The following NKAIN3 variants were observed in gnomAD, a reference collection of about 807,000 sequenced individuals.
The protein encoded by NKAIN3 is sodium/potassium transporting ATPase interacting 3, also known as sodium/potassium-transporting ATPase subunit beta-1-interacting protein 3.
In NKAIN3, 25 loss-of-function variants were observed where a neutral mutation model predicts 30.2. That is an observed-to-expected ratio of 0.83 (90% confidence interval 0.60 to 1.16). NKAIN3 has a LOEUF of 1.16. Among genes scored for constraint, NKAIN3 ranks in the 50% most tolerant of loss-of-function variants. The pLI is 0.00. For synonymous variants in NKAIN3, 91 were observed against 89.6 expected (o/e 1.02, Z -0.09); for missense variants, 225 against 254.1 (o/e 0.89, Z 0.78).
chr8:62,431,828 T>A (rs1167976137), intron 1 of NKAIN3, among the ~76,000 whole-genome samples: 1 of 147,562 alleles, frequency 6.8e-6, no homozygotes, highest in Non-Finnish European at 1.5e-5. Flanking sequence ...TCTTTTGAGA[T>A]GCTCTCAGGA....
At chr8:62,725,291 T>C (rs1815218925) in intron 3 of NKAIN3, among the ~76,000 whole-genome samples, 1 of 152,124 alleles carries the variant, frequency 6.6e-6, no homozygotes, top group Admixed American at 6.5e-5. Context: ...ATCAGATAGA[T>C]AGTTTGCAAA....
intron 4 of NKAIN3, among the ~76,000 whole-genome samples, chr8:62,846,661 C>T (rs1819698341): frequency 6.6e-6 from 1 of 152,172 alleles, no homozygotes; most frequent in Admixed American, 6.6e-5. Context: ...AACATGATCT[C>T]ATTCCTTTTT....
chr8:62,761,799 T>A (rs1345768766), intron 4 of NKAIN3, among the ~76,000 whole-genome samples: 1 of 152,172 alleles, frequency 6.6e-6, no homozygotes, highest in African/African-American at 2.4e-5. Flanking sequence ...CAGAATAGGT[T>A]TTGTAACTGC....
chr8:62,351,048 T>C (rs1171276312), intron 1 of NKAIN3, among the ~76,000 whole-genome samples: 1 of 150,666 alleles, frequency 6.6e-6, no homozygotes, highest in East Asian at 1.9e-4. Context: ...CAGAAGTATA[T>C]AAAAACAGAT....
chr8:62,334,431 C>T (rs968748556), intron 1 of NKAIN3, among the ~76,000 whole-genome samples: 1 of 152,010 alleles, frequency 6.6e-6, no homozygotes, highest in African/African-American at 2.4e-5. Context: ...TCGAAACTTC[C>T]CACACTATAT....
chr8:62,760,520 G>T (rs576137999), intron 4 of NKAIN3, among the ~76,000 whole-genome samples: 9 of 151,052 alleles, frequency 6.0e-5, no homozygotes, highest in African/African-American at 2.2e-4. Context: ...GCAAACTATC[G>T]CAAGGACAAA....
intron 1 of NKAIN3, among the ~76,000 whole-genome samples, chr8:62,502,820 G>C (rs930915511): frequency 2.0e-5 from 3 of 152,218 alleles, no homozygotes; most frequent in Admixed American, 1.3e-4. Flanking sequence ...CAATTGGACT[G>C]TGAGGAAGTA....
At chr8:62,359,060 T>C (rs1035167248) in intron 1 of NKAIN3, among the ~76,000 whole-genome samples, 1 of 152,070 alleles carries the variant, frequency 6.6e-6, no homozygotes, top group African/African-American at 2.4e-5. Flanking sequence ...GGCGGGCGCC[T>C]GTATTCCCAG....
At chr8:62,746,782 C>T in intron 3 of NKAIN3, 150 bp from the exon 4 acceptor site, 1 of 565,650 alleles carries the variant, frequency 1.8e-6, no homozygotes. Flanking sequence ...ATACATGCAG[C>T]CACTTGGGGC....
At chr8:62,940,577 C>T (rs1400003179) in intron 5 of NKAIN3, among the ~76,000 whole-genome samples, 2 of 151,990 alleles carry the variant, frequency 1.3e-5, no homozygotes, top group Non-Finnish European at 2.9e-5. Context: ...CTCTCTCAGA[C>T]CACAGAGGAA....
At chr8:62,668,245 T>C (rs937867066) in intron 3 of NKAIN3, among the ~76,000 whole-genome samples, 1 of 151,972 alleles carries the variant, frequency 6.6e-6, no homozygotes, top group Non-Finnish European at 1.5e-5. Flanking sequence ...AACCATAAAC[T>C]CCAATAAGGC....
At chr8:62,592,253 G>C (rs1810674393) in intron 3 of NKAIN3, among the ~76,000 whole-genome samples, 1 of 151,994 alleles carries the variant, frequency 6.6e-6, no homozygotes, top group African/African-American at 2.4e-5. Flanking sequence ...CTGAAAGATA[G>C]TGAGCTGTCT....
At chr8:62,729,040 C>CAAACAAACAAACAAAAAAAA (rs1815374023) in intron 3 of NKAIN3, among the ~76,000 whole-genome samples, 2 of 61,204 alleles carry the variant, frequency 3.3e-5, no homozygotes, top group South Asian at 7.0e-4. Context: ...AAAAAAAAAA[C>CAAACAAACAAACAAAAAAAA]AAAAAAAAAA....
At chr8:62,869,873 T>C (rs1319283612) in intron 4 of NKAIN3, among the ~76,000 whole-genome samples, 1 of 152,104 alleles carries the variant, frequency 6.6e-6, no homozygotes, top group East Asian at 1.9e-4. Context: ...GTTCACGCCA[T>C]TCTCCTGCCT....
At chr8:62,256,322 G>C (rs527665209) in intron 1 of NKAIN3, among the ~76,000 whole-genome samples, 29 of 152,258 alleles carry the variant, frequency 1.9e-4, no homozygotes, top group African/African-American at 7.0e-4. Context: ...TGGAGATTGA[G>C]GTGGGAGGAT....
rs1823848316 is a variant in NKAIN3, at chr8:62,972,099, A to G, written c.*6692A>G. Among the ~76,000 whole-genome samples the G allele has an allele frequency of 6.6e-6, 1 of 152,148 alleles. No homozygotes were observed. Among genetic ancestry groups the G allele is most frequent in the African/African-American group, 2.4e-5 (1 of 41,432 alleles). ...ATTTTGGTAGGGCCTTCTCTTCTGA[A>G]TTGATTGGTAGTGTTGTTATTTTCT... On this transcript the variant is annotated 3_prime_UTR_variant, in exon 7 of 7. Coordinates refer to ENST00000623646, the MANE Select transcript of NKAIN3 (RefSeq NM_001304533.3).
intron 1 of NKAIN3, among the ~76,000 whole-genome samples, chr8:62,550,972 C>T (rs1482328483): frequency 6.6e-6 from 1 of 152,180 alleles, no homozygotes; most frequent in Non-Finnish European, 1.5e-5. Context: ...TGCCACTGCA[C>T]TGCAGTTTTT....
At chr8:62,415,879 TC>T (rs1804429610) in intron 1 of NKAIN3, among the ~76,000 whole-genome samples, 1 of 151,902 alleles carries the variant, frequency 6.6e-6, no homozygotes. Flanking sequence ...TGCCTCAGCC[TC>T]CCGAGTAGCT....
intron 3 of NKAIN3, among the ~76,000 whole-genome samples, chr8:62,592,774 C>T (rs188396487): frequency 8.7e-4 from 132 of 151,628 alleles, no homozygotes; most frequent in Middle Eastern, 3.4e-3. Context: ...GCTATGTAAA[C>T]GATAATCAGA....
Sources: allele counts gnomAD v4.1 joint callset (sites outside exome capture counted in the v4.1 genomes callset), GRCh38; gene constraint gnomAD v4.1.1; transcripts MANE v1.5; gene names NCBI Gene and HGNC (gene_info 2026-07-23, HGNC 2026-07-21).